The following KDM4C variants were observed in gnomAD, a reference collection of about 807,000 sequenced individuals.
KDM4C encodes the protein lysine demethylase 4C.
Under a neutral mutation model 129.3 loss-of-function variants are expected in KDM4C, and 81 were observed. The ratio of observed to expected loss-of-function variants is 0.63; its 90% confidence interval spans 0.52 to 0.75. KDM4C has a LOEUF of 0.75. Among genes scored for constraint, KDM4C ranks in the 30% least tolerant of loss-of-function variants. KDM4C has a pLI of 0.00. For missense variants in KDM4C, 1,457 were observed against 1,304.0 expected, an observed-to-expected ratio of 1.12 and a Z score of -1.81; for synonymous variants, 573 against 456.1, an observed-to-expected ratio of 1.26 and a Z score of -3.26.
intron 1 of KDM4C, among the ~76,000 whole-genome samples, chr9:6,736,044 A>G (rs1817518329): frequency 6.6e-6 from 1 of 152,198 alleles, no homozygotes; most frequent in Non-Finnish European, 1.5e-5. Context: ...TAGCAAGGAG[A>G]CTGGCAGCAT....
intron 1 of KDM4C, among the ~76,000 whole-genome samples, chr9:6,731,337 T>TTTC (rs1817328406): frequency 6.7e-6 from 1 of 149,044 alleles, no homozygotes; most frequent in South Asian, 2.1e-4. Flanking sequence ...TTTTTTTTTT[T>TTTC]TTTTTTGAGA....
chr9:7,137,328 C>G (rs1308599147), intron 19 of KDM4C, among the ~76,000 whole-genome samples: 1 of 152,204 alleles, frequency 6.6e-6, no homozygotes, highest in African/African-American at 2.4e-5. Context: ...GCTGAATCAA[C>G]TTCCATTTAA....
At chr9:6,823,316 AGG>A (rs769207955) in intron 4 of KDM4C, among the ~76,000 whole-genome samples, 1 of 152,190 alleles carries the variant, frequency 6.6e-6, no homozygotes, top group Non-Finnish European at 1.5e-5. Context: ...TTGCACCAAA[AGG>A]GGGTAGCTTA....
At chr9:7,098,787 A>G (rs895760938) in intron 17 of KDM4C, among the ~76,000 whole-genome samples, 1 of 152,188 alleles carries the variant, frequency 6.6e-6, no homozygotes, top group East Asian at 1.9e-4. Flanking sequence ...TTGTGGCTAG[A>G]CTATCCTCTT....
At chr9:6,972,378 C>T (rs1220247862) in intron 8 of KDM4C, among the ~76,000 whole-genome samples, 1 of 151,834 alleles carries the variant, frequency 6.6e-6, no homozygotes, top group African/African-American at 2.4e-5. Flanking sequence ...ATATTTTCTC[C>T]CATAAAATCA....
At chr9:6,863,793 C>CAA (rs999369554) in intron 5 of KDM4C, among the ~76,000 whole-genome samples, 2,448 of 70,104 alleles carry the variant, frequency 0.035, 155 homozygotes, top group African/African-American at 0.13. Flanking sequence ...GACTCCATCT[C>CAA]AAAAAAAAAA....
chr9:6,747,144 G>A lies in KDM4C; in HGVS notation c.49+26147G>A, dbSNP rs553154310. 2.0e-5 allele frequency among the ~76,000 whole-genome samples: 3 copies of A among 151,806 alleles called. No homozygotes were observed. In the East Asian group the frequency reaches 5.8e-4, roughly 29 times the overall value. ...GGGAGTTGGGGCTGCCATGAGCCAA[G>A]ATCACTCCACTGCACTTCAGCCCGG... On this transcript the variant is annotated intron_variant, in intron 1 of 17. Transcript: ENST00000536108.
intron 18 of KDM4C, among the ~76,000 whole-genome samples, chr9:7,120,170 T>C (rs906087891): frequency 1.1e-4 from 16 of 151,792 alleles, no homozygotes; most frequent in African/African-American, 2.7e-4. Flanking sequence ...TTTTTTTTTT[T>C]CATTGGATTT....
chr9:6,890,404 A>G (rs559907720), intron 7 of KDM4C, among the ~76,000 whole-genome samples: 82 of 152,358 alleles, frequency 5.4e-4, no homozygotes, highest in Admixed American at 1.8e-3. Context: ...CTCTTCCTGT[A>G]GGTAATAATG....
chr9:6,994,689 C>T (rs911525146), intron 12 of KDM4C, among the ~76,000 whole-genome samples: 14 of 152,104 alleles, frequency 9.2e-5, no homozygotes, highest in African/African-American at 3.4e-4. Context: ...AGTACCTCAA[C>T]GTGTTACATA....
chr9:6,925,127 T>A (rs1563822806), intron 8 of KDM4C: 29 of 985,440 alleles, frequency 2.9e-5, no homozygotes, highest in Non-Finnish European at 3.5e-5. Context: ...CTTTGAACTC[T>A]TTCATGGATG....
chr9:6,792,059 T>A (rs1188096653), intron 1 of KDM4C, among the ~76,000 whole-genome samples: 1 of 151,222 alleles, frequency 6.6e-6, no homozygotes, highest in South Asian at 2.1e-4. Flanking sequence ...TATTTTTACG[T>A]CTGGGCTCGG....
intron 2 of KDM4C, among the ~76,000 whole-genome samples, chr9:6,800,104 A>T (rs901034473): frequency 2.6e-5 from 4 of 152,172 alleles, no homozygotes; most frequent in African/African-American, 9.7e-5. Flanking sequence ...ACAGTGACTC[A>T]CGCCTGTAAT....
chr9:6,957,005 G>T (rs995375310), intron 8 of KDM4C, among the ~76,000 whole-genome samples: 6 of 152,106 alleles, frequency 3.9e-5, no homozygotes, highest in African/African-American at 1.2e-4. Context: ...CACAGTTGCA[G>T]CTCTTACATT....
At position 6,903,407 on chromosome 9, in the gene KDM4C, A is replaced by C. The variant is rs137889335; in HGVS notation, c.921+10175A>C. Reference sequence around the variant, plus strand: ...GATAATAAGAAAATGCCCAGTCCCCAGGAGAATGTAGTTGGTAGAGTGGGC... The same window carrying C: ...GATAATAAGAAAATGCCCAGTCCCCCGGAGAATGTAGTTGGTAGAGTGGGC... On this transcript the variant is annotated intron_variant, in intron 8 of 21. Transcript: ENST00000381309. Among the ~76,000 whole-genome samples the C allele has an allele frequency of 5.1e-3, 771 of 152,288 alleles. 7 individuals are homozygous for C. Among genetic ancestry groups the C allele is most frequent in the African/African-American group, 0.018 (733 of 41,556 alleles).
intron 9 of KDM4C, among the ~76,000 whole-genome samples, chr9:6,983,802 C>A (rs1045544132): frequency 6.6e-6 from 1 of 151,934 alleles, no homozygotes; most frequent in African/African-American, 2.4e-5. Flanking sequence ...TTATTTTCTT[C>A]ATTTTCTAAA....
intron 2 of KDM4C, among the ~76,000 whole-genome samples, chr9:6,803,746 A>T (rs1014092109): frequency 9.8e-6 from 1 of 101,600 alleles, no homozygotes; most frequent in African/African-American, 5.1e-5. Context: ...CATCTGTAAC[A>T]AAAAGAAAAA....
chr9:6,883,433 G>A (rs758593499), intron 6 of KDM4C, among the ~76,000 whole-genome samples: 6 of 152,210 alleles, frequency 3.9e-5, no homozygotes, highest in South Asian at 2.1e-4. Flanking sequence ...GTTTATTTTC[G>A]TCTATCAGCT....
At chr9:7,163,100 G>T (rs912146027) in intron 19 of KDM4C, among the ~76,000 whole-genome samples, 2 of 152,114 alleles carry the variant, frequency 1.3e-5, no homozygotes, top group Non-Finnish European at 2.9e-5. Context: ...CAGAGTGCAG[G>T]TTCTCTGTCT....
Sources: allele counts gnomAD v4.1 joint callset (sites outside exome capture counted in the v4.1 genomes callset), GRCh38; gene constraint gnomAD v4.1.1; transcripts MANE v1.5; gene names NCBI Gene and HGNC (gene_info 2026-07-23, HGNC 2026-07-21).